Variants in PCDHGA2 observed in about 807,000 individuals in gnomAD.
PCDHGA2 encodes the protein protocadherin gamma subfamily A, 2, also known as protocadherin gamma-A2.
PCDHGA2 carries 40 observed loss-of-function variants against 59.2 expected under a neutral mutation model. The ratio of observed to expected loss-of-function variants is 0.68; its 90% CI spans 0.52 to 0.88. PCDHGA2 has a LOEUF of 0.88. Among genes scored for constraint, PCDHGA2 ranks in the 40% least tolerant of loss-of-function variants. The pLI is 0.00. For synonymous variants in PCDHGA2, 560 were observed against 526.0 expected (o/e 1.06, Z -0.89); for missense variants, 1,226 against 1,204.0 (o/e 1.02, Z -0.27).
chr5:141,388,402 G>C, intron 1 of PCDHGA2: 1 of 1,613,972 alleles, frequency 6.2e-7, no homozygotes, highest in Non-Finnish European at 8.5e-7. Context: ...TACCAACTCA[G>C]TCCCAGTGAT....
chr5:141,397,332 A>G (rs1246653356), intron 1 of PCDHGA2, among the ~76,000 whole-genome samples: 1 of 152,234 alleles, frequency 6.6e-6, no homozygotes, highest in Non-Finnish European at 1.5e-5. Flanking sequence ...AATTATTTTT[A>G]TAAAGAATGT....
intron 1 of PCDHGA2, chr5:141,419,575 C>T (rs2096401495): frequency 6.2e-7 from 1 of 1,611,782 alleles, no homozygotes. Context: ...CCGACGGCTC[C>T]GCGCTCTTCG....
intron 1 of PCDHGA2, chr5:141,440,430 G>A (rs965990102): frequency 6.6e-6 from 1 of 152,196 alleles, no homozygotes; most frequent in African/African-American, 2.4e-5. Flanking sequence ...CTGGGTGACA[G>A]AGCAAGGCGC....
At chr5:141,422,272 A>G in intron 1 of PCDHGA2, 1 of 1,561,362 alleles carries the variant, frequency 6.4e-7, no homozygotes, top group Non-Finnish European at 8.6e-7. Context: ...TCCAGAAATA[A>G]CTATCACCTC....
chr5:141,356,654 C>T (rs771447398), intron 1 of PCDHGA2: 2 of 1,614,016 alleles, frequency 1.2e-6, no homozygotes, highest in Non-Finnish European at 1.7e-6. Context: ...GGTGACAATG[C>T]CCGAATCACT....
chr5:141,441,937 C>T, intron 1 of PCDHGA2: 1 of 344,792 alleles, frequency 2.9e-6, no homozygotes, highest in Non-Finnish European at 5.6e-6. Context: ...GCTGTCCTAC[C>T]ACGTGCTGCA....
intron 1 of PCDHGA2, chr5:141,441,910 G>A: frequency 2.9e-6 from 1 of 349,440 alleles, no homozygotes; most frequent in Non-Finnish European, 5.5e-6. Flanking sequence ...AGACGCAGAT[G>A]TGAGACACAA....
At chr5:141,342,001 T>C (rs1757105972) in intron 1 of PCDHGA2, 1 of 154,264 alleles carries the variant, frequency 6.5e-6, no homozygotes, top group Non-Finnish European at 1.4e-5. Context: ...TTATTTTGGC[T>C]TAGTTTTAAA....
intron 1 of PCDHGA2, among the ~76,000 whole-genome samples, chr5:141,406,069 C>G (rs72790037): frequency 0.11 from 16,670 of 145,514 alleles, 1,088 homozygotes; most frequent in African/African-American, 0.2. Flanking sequence ...AAAATTCTTA[C>G]TCCTTTTTTT....
At chr5:141,385,495 T>C (rs1781231622) in intron 1 of PCDHGA2, 3 of 1,391,864 alleles carry the variant, frequency 2.2e-6, no homozygotes, top group African/African-American at 2.9e-5. Flanking sequence ...ACATAGGATA[T>C]AGTATTTCTT....
chr5:141,368,261 C>A (rs1765551887), intron 1 of PCDHGA2, among the ~76,000 whole-genome samples: 1 of 152,202 alleles, frequency 6.6e-6, no homozygotes, highest in African/African-American at 2.4e-5. Flanking sequence ...TTAATTGACA[C>A]ATTAAAGAAC....
chr5:141,428,031 G>A (rs760882803), intron 1 of PCDHGA2: 6 of 1,607,376 alleles, frequency 3.7e-6, no homozygotes, highest in South Asian at 3.3e-5. Context: ...CGCAGAGTCC[G>A]GCTACCTGGT....
intron 1 of PCDHGA2, among the ~76,000 whole-genome samples, chr5:141,467,743 C>T (rs1166073224): frequency 8.5e-5 from 13 of 152,052 alleles, no homozygotes; most frequent in Non-Finnish European, 1.8e-4. Flanking sequence ...CTCGCTGCAA[C>T]CTCCGCCTCA....
At position 141,372,874 on chromosome 5, in the gene PCDHGA2, A is replaced by T; in HGVS notation, c.2424+31479A>T. The T allele has an allele frequency of 4.6e-6, 6 of 1,314,500 alleles. No individual in the cohort carries two copies. The East Asian group carries it at 1.2e-4, about 27-fold the overall frequency. 81.4% of individuals were successfully genotyped at this position (1,314,500 alleles called of 1,614,324 possible). A position where few individuals can be genotyped will look rare whatever the true frequency, so the allele number is the denominator to read the frequency against. On this transcript the variant is annotated intron_variant, in intron 1 of 3. Transcript: ENST00000394576. ...GGTTTCAATTCATTGATTTAGAGAT[A>T]AAAAGAATACAGATTAAATATTCCC... is the stretch of plus-strand genomic sequence containing the variant.
chr5:141,419,933 C>CTGG (rs1192896428), intron 1 of PCDHGA2: 1 of 1,613,952 alleles, frequency 6.2e-7, no homozygotes, highest in African/African-American at 1.3e-5. Context: ...GCAGTTTTAC[C>CTGG]TGGTGGTGGC....
intron 1 of PCDHGA2, chr5:141,410,014 G>C (rs1185262301): frequency 1.2e-6 from 2 of 1,613,296 alleles, no homozygotes. Context: ...ACGCCTGGCT[G>C]TCCTACCACG....
chr5:141,414,588 G>A, intron 1 of PCDHGA2: 1 of 1,613,872 alleles, frequency 6.2e-7, no homozygotes, highest in Non-Finnish European at 8.5e-7. Flanking sequence ...ACAACGCCAG[G>A]GGTGCCTCCA....
chr5:141,383,144 G>A (rs1306014093), intron 1 of PCDHGA2: 19 of 1,614,132 alleles, frequency 1.2e-5, no homozygotes, highest in Non-Finnish European at 1.4e-5. Flanking sequence ...CAGCGCAGCG[G>A]CAGCTTGGTC....
At chr5:141,417,503 TAA>T in intron 1 of PCDHGA2, 1 of 229,962 alleles carries the variant, frequency 4.3e-6, no homozygotes, top group East Asian at 9.7e-5. Flanking sequence ...GGAAAAAGAT[TAA>T]AATATTTTGG....
Sources: allele counts gnomAD v4.1 joint callset (sites outside exome capture counted in the v4.1 genomes callset), GRCh38; gene constraint gnomAD v4.1.1; transcripts MANE v1.5; gene names NCBI Gene and HGNC (gene_info 2026-07-23, HGNC 2026-07-21).